The following COL5A2 variants were observed in gnomAD, a reference collection of about 807,000 sequenced individuals.
COL5A2 encodes collagen alpha-2(V) chain.
In COL5A2, 23 loss-of-function variants were observed where a neutral mutation model predicts 208.2. That is an observed-to-expected ratio of 0.11 (90% CI 0.08 to 0.16). The LOEUF is 0.16. Ranked by LOEUF, COL5A2 falls within the 10% of genes least tolerant of loss-of-function variation. The pLI is 1.00. For synonymous variants in COL5A2, 625 were observed against 628.5 expected (o/e 0.99, Z 0.08); for missense variants, 1,590 against 1,956.4 (o/e 0.81, Z 3.53).
At chr2:189,353,144 G>A in the COL5A2 span, among the ~76,000 whole-genome samples, 1 of 152,052 alleles carries the variant, frequency 6.6e-6, no homozygotes, top group African/African-American at 2.4e-5. Flanking sequence ...TTCCATTGGT[G>A]TATATATCTG....
the COL5A2 span, among the ~76,000 whole-genome samples, chr2:189,301,497 T>C: frequency 6.6e-6 from 1 of 152,150 alleles, no homozygotes; most frequent in African/African-American, 2.4e-5. Context: ...ATTTTTGCTG[T>C]TTTTTCCTCA....
chr2:189,078,568 C>G lies in COL5A2; in HGVS notation c.1007G>C (p.Gly336Ala), dbSNP rs754787960. The change falls in exon 16 of 54, where the codon GGT becomes GCT. Residue 336 changes from glycine (G) to alanine (A), a missense_variant and splice_region_variant. Gly to Ala is a moderately conservative substitution (Grantham distance 60). Transcript: ENST00000374866. ...TCTCTCTCCTGGCATTCCCCTCGGACCCTATAGACGATAGAGAAGAAATGT... is the reference window on the plus strand; with the variant it reads ...TCTCTCTCCTGGCATTCCCCTCGGAGCCTATAGACGATAGAGAAGAAATGT... ...TGPMGAMGPLGPRGMPGERGR... is the reference protein window; with the variant it reads ...TGPMGAMGPLAPRGMPGERGR... 6.2e-7 allele frequency: 1 copy of G among 1,612,198 alleles called. No homozygotes were observed. The highest frequency in any genetic ancestry group is 1.7e-5 in the Admixed American group (1 of 59,974).
chr2:189,206,909 C>T (rs1290531647), intron 1 of COL5A2, among the ~76,000 whole-genome samples: 1 of 152,166 alleles, frequency 6.6e-6, no homozygotes. Flanking sequence ...CCTGTAAATT[C>T]TATTAAATGC....
chr2:189,097,369 T>A, intron 5 of COL5A2, 39 bp from the exon 6 acceptor site: 3 of 1,601,492 alleles, frequency 1.9e-6, no homozygotes, highest in Non-Finnish European at 1.7e-6. Flanking sequence ...CAAAAATGTA[T>A]ACTTTCTTAT....
At chr2:189,256,741 TC>T in the COL5A2 span, among the ~76,000 whole-genome samples, 22 of 152,308 alleles carry the variant, frequency 1.4e-4, no homozygotes, top group African/African-American at 5.3e-4. Context: ...AACCTCCACC[TC>T]CCAGGTTCAA....
chr2:189,295,145 T>C, the COL5A2 span, among the ~76,000 whole-genome samples: 1 of 152,196 alleles, frequency 6.6e-6, no homozygotes, highest in Admixed American at 6.5e-5. Flanking sequence ...ATAGAAAAGA[T>C]TCCTAGAAAG....
At chr2:189,260,523 TC>T in the COL5A2 span, among the ~76,000 whole-genome samples, 1 of 152,238 alleles carries the variant, frequency 6.6e-6, no homozygotes, top group South Asian at 2.1e-4. Flanking sequence ...GAAAGCTCAA[TC>T]CGGCAAAGGC....
At chr2:189,368,063 T>C in the COL5A2 span, among the ~76,000 whole-genome samples, 2 of 152,230 alleles carry the variant, frequency 1.3e-5, no homozygotes, top group Non-Finnish European at 2.9e-5. Flanking sequence ...TTTTATTATA[T>C]AAACATATAA....
At chr2:189,306,891 G>A in the COL5A2 span, among the ~76,000 whole-genome samples, 17 of 152,104 alleles carry the variant, frequency 1.1e-4, no homozygotes, top group African/African-American at 3.9e-4. Flanking sequence ...TGAACAGTGC[G>A]TTAAACATTC....
intron 1 of COL5A2, among the ~76,000 whole-genome samples, chr2:189,222,811 A>G (rs781775243): frequency 3.6e-4 from 55 of 152,144 alleles, no homozygotes; most frequent in Non-Finnish European, 7.6e-4. Context: ...CAGAATCCCA[A>G]CAGTATAACT....
At chr2:189,205,589 A>G (rs1390113235) in intron 1 of COL5A2, among the ~76,000 whole-genome samples, 1 of 152,186 alleles carries the variant, frequency 6.6e-6, no homozygotes, top group Non-Finnish European at 1.5e-5. Context: ...AGTCACTATG[A>G]ACCACTCTTC....
intron 50 of COL5A2, among the ~76,000 whole-genome samples, chr2:189,041,155 A>C (rs937493148): frequency 6.6e-6 from 1 of 152,176 alleles, no homozygotes; most frequent in African/African-American, 2.4e-5. Context: ...TTTTTACAAA[A>C]AGTTTTAATC....
chr2:189,252,224 A>T, the COL5A2 span, among the ~76,000 whole-genome samples: 1 of 152,188 alleles, frequency 6.6e-6, no homozygotes, highest in East Asian at 1.9e-4. Flanking sequence ...AGGATCTAGA[A>T]CTAGAAATAC....
chr2:189,065,069 C>A lies in COL5A2; in HGVS notation c.1564-12G>T, dbSNP rs761247925. ...TTGCCAGGAGCACCCTACAAATGAC[C>A]AAAATGTGATTCTTAATTGTTGTTG... On this transcript the variant is annotated splice_polypyrimidine_tract_variant and intron_variant, in intron 23 of 53. Coordinates refer to ENST00000374866, the MANE Select transcript of COL5A2 (RefSeq NM_000393.5). The A allele has an allele frequency of 6.2e-7, 1 of 1,612,658 alleles. No individual in the cohort carries two copies. The highest frequency in any genetic ancestry group is 8.5e-7 in the Non-Finnish European group (1 of 1,179,176).
At chr2:189,265,968 A>T in the COL5A2 span, among the ~76,000 whole-genome samples, 138,201 of 152,206 alleles carry the variant, frequency 0.91, 63,318 homozygotes, top group East Asian at 1. Flanking sequence ...TCCACTCTTA[A>T]ATAAATGAAA....
At chr2:189,190,493 TTA>T (rs1688909862) in intron 1 of COL5A2, among the ~76,000 whole-genome samples, 1 of 152,220 alleles carries the variant, frequency 6.6e-6, no homozygotes, top group South Asian at 2.1e-4. Flanking sequence ...TAAAAATAAT[TTA>T]TACACATTTA....
chr2:189,290,255 T>G, the COL5A2 span, among the ~76,000 whole-genome samples: 1 of 152,246 alleles, frequency 6.6e-6, no homozygotes, highest in South Asian at 2.1e-4. Context: ...AAGCACACGC[T>G]ATGATGTTTG....
chr2:189,048,948 C>T (rs1432633747), intron 44 of COL5A2, among the ~76,000 whole-genome samples: 8 of 152,186 alleles, frequency 5.3e-5, no homozygotes, highest in Admixed American at 1.3e-4. Flanking sequence ...TCTCTACTAA[C>T]TTTGCCCTTT....
At chr2:189,254,780 A>C in the COL5A2 span, among the ~76,000 whole-genome samples, 1 of 152,228 alleles carries the variant, frequency 6.6e-6, no homozygotes, top group African/African-American at 2.4e-5. Flanking sequence ...GAGGCATGCC[A>C]GGAAAACTGT....
Sources: gnomAD v4.1 joint callset for allele counts (sites outside exome capture counted in the v4.1 genomes callset) on GRCh38, gnomAD v4.1.1 for gene constraint, MANE v1.5 for transcripts, NCBI Gene and HGNC (gene_info 2026-07-23, HGNC 2026-07-21) for gene names.